The following AFF2 variants were observed in gnomAD, a reference collection of about 807,000 sequenced individuals.
The protein encoded by AFF2 is ALF transcription elongation factor 2, also known as AF4/FMR2 family member 2.
A neutral mutation model predicts 76.9 loss-of-function variants in AFF2; 14 were observed. That is an observed-to-expected ratio of 0.18 (90% CI 0.12 to 0.28). The LOEUF (loss-of-function observed/expected upper bound fraction) is 0.28, where lower values mean the gene tolerates loss of function less well. AFF2 is among the 10% of genes least tolerant of loss of function. AFF2 has a pLI of 1.00. For synonymous variants in AFF2, 398 were observed against 366.7 expected (o/e 1.09, Z -0.98); for missense variants, 868 against 1,001.1 (o/e 0.87, Z 1.79).
intron 1 of AFF2, among the ~76,000 whole-genome samples, chrX:148,644,658 A>G (rs1303332040): frequency 8.9e-6 from 1 of 112,591 alleles, no homozygotes; most frequent in African/African-American, 3.2e-5. Flanking sequence ...TCTACATAAT[A>G]GAATAAATAC....
At chrX:148,923,793 C>T (rs1194147225) in intron 9 of AFF2, among the ~76,000 whole-genome samples, 1 of 111,648 alleles carries the variant, frequency 9.0e-6, no homozygotes, top group Non-Finnish European at 1.9e-5. Flanking sequence ...ACCAAATATT[C>T]CCTCTTGCAG....
intron 9 of AFF2, among the ~76,000 whole-genome samples, chrX:148,916,195 A>ATTTTTT (rs1557282549): frequency 2.1e-5 from 1 of 48,230 alleles, no homozygotes; most frequent in African/African-American, 7.8e-5. Context: ...TGTGGTTTTA[A>ATTTTTT]CTTTTTTTTT....
rs782105094 is a variant in AFF2 at position 148,662,405 on chromosome X, A to G, written c.678A>G (p.Gly226=). Residue 226 remains glycine (G), a synonymous_variant, in exon 3 of 21, where the codon GGA becomes GGG. Coordinates refer to ENST00000370460, the MANE Select transcript of AFF2 (RefSeq NM_002025.4). The stretch of plus-strand genomic sequence containing the variant: ...AAGACAGTAACCCTAATTCTAGTGG[A>G]GAAGATGCTTTCAAAGAAATCTTTC... ...AKEDSNPNSS[G]EDAFKEIFQS... 3 of 1,210,516 alleles carry G rather than the reference A, an allele frequency of 2.5e-6. No homozygotes were observed. The South Asian group carries it at 5.3e-5, about 21-fold the overall frequency.
intron 7 of AFF2, among the ~76,000 whole-genome samples, chrX:148,876,205 G>A (rs1207212942): frequency 1.8e-5 from 2 of 111,842 alleles, no homozygotes; most frequent in Non-Finnish European, 3.8e-5. Flanking sequence ...CGTGCTAGGG[G>A]TTTGAAGTGA....
chrX:148,527,584 G>A (rs2052677915), intron 1 of AFF2, among the ~76,000 whole-genome samples: 1 of 110,987 alleles, frequency 9.0e-6, no homozygotes. Flanking sequence ...CTTTTTTTAG[G>A]CGATACACAA....
chrX:148,875,466 A>G (rs782007686), intron 7 of AFF2, among the ~76,000 whole-genome samples: 14 of 112,087 alleles, frequency 1.2e-4, no homozygotes, highest in Non-Finnish European at 2.3e-4. Context: ...TGGAGTAATT[A>G]TCAGAACAAA....
intron 1 of AFF2, among the ~76,000 whole-genome samples, chrX:148,588,134 G>A (rs1569551803): frequency 8.9e-6 from 1 of 112,852 alleles, no homozygotes; most frequent in Non-Finnish European, 1.9e-5. Flanking sequence ...TGCAGTACAT[G>A]TATTCACATG....
intron 3 of AFF2, among the ~76,000 whole-genome samples, chrX:148,740,394 C>G (rs1245586132): frequency 1.8e-5 from 2 of 111,235 alleles, no homozygotes; most frequent in African/African-American, 6.5e-5. Context: ...ATTTGAAGAC[C>G]TTGTCTTTGA....
intron 1 of AFF2, among the ~76,000 whole-genome samples, chrX:148,530,276 G>A (rs2052714679): frequency 1.8e-5 from 2 of 111,743 alleles, no homozygotes; most frequent in Non-Finnish European, 3.8e-5. Context: ...TTCCATTGAA[G>A]AGCAGATACT....
intron 1 of AFF2, among the ~76,000 whole-genome samples, chrX:148,573,276 T>C (rs1469609223): frequency 4.5e-5 from 5 of 111,234 alleles, no homozygotes; most frequent in Non-Finnish European, 7.5e-5. Flanking sequence ...ATGGACTCCA[T>C]GAAGCCTCTG....
rs1244148596 is a variant in AFF2, at chrX:148,994,042, T to C, written c.*2710T>C. On this transcript the variant is annotated 3_prime_UTR_variant, in exon 21 of 21. Transcript: ENST00000370460. ...CAGTTTGTGGGAGGGATATGAGACA[T>C]GTGGATGGCAGTGAGAGATCGTGCC... is the stretch of plus-strand genomic sequence containing the variant. 8.9e-6 allele frequency: 1 copy of C among 111,932 alleles called. No individual in the cohort carries two copies. Among genetic ancestry groups the C allele is most frequent in the Non-Finnish European group, 1.9e-5 (1 of 53,124 alleles). 9.2% of individuals were successfully genotyped at this position (111,932 alleles called of 1,213,427 possible).
At chrX:148,940,539 C>T (rs1603344130) in intron 9 of AFF2, among the ~76,000 whole-genome samples, 1 of 111,950 alleles carries the variant, frequency 8.9e-6, no homozygotes, top group East Asian at 2.8e-4. Flanking sequence ...ACCAAACATC[C>T]TGACCTTATT....
Position 148,831,371 on chromosome X carries a change from C to T in AFF2, c.1087-6276C>T, listed in dbSNP as rs148777225. Among the ~76,000 whole-genome samples the T allele has an allele frequency of 6.7e-3, 753 of 112,198 alleles. 7 individuals carry two copies. Among genetic ancestry groups the T allele is most frequent in the African/African-American group, 0.021 (659 of 30,885 alleles). ...ATGTCCATTAAATCTTCACAATTTA[C>T]GTTCAGAGACTGCAGTAAAGACAGG... On this transcript the variant is annotated intron_variant, in intron 4 of 20. Transcript: ENST00000370460.
rs369921512 is a variant in AFF2, at chrX:148,731,877, C to T, written c.1041+69109C>T. On this transcript the variant is annotated intron_variant, in intron 3 of 20. Coordinates refer to ENST00000370460, the MANE Select transcript of AFF2 (RefSeq NM_002025.4). ...TGCAAATCAAAACCACTATGAGATA[C>T]CATCTCACACCAGTTAGAATGGCAA... Among the ~76,000 whole-genome samples the T allele has an allele frequency of 4.0e-3, 286 of 72,167 alleles. 1 individual carries two copies. The highest frequency in any genetic ancestry group is 0.016 in the Middle Eastern group (3 of 187). The allele number at this position is 72,167 out of a possible 115,157, so 62.7% of individuals were successfully genotyped here. A position where few individuals can be genotyped will look rare whatever the true frequency, so the allele number is the denominator to read the frequency against.
intron 1 of AFF2, among the ~76,000 whole-genome samples, chrX:148,581,510 ATACGTC>A (rs1355300626): frequency 4.2e-5 from 4 of 96,105 alleles, no homozygotes; most frequent in Admixed American, 1.1e-4. Flanking sequence ...ATATATACGT[ATACGTC>A]TACGTGTACA....
At chrX:148,896,377 G>A (rs1476062490) in intron 8 of AFF2, among the ~76,000 whole-genome samples, 3 of 111,667 alleles carry the variant, frequency 2.7e-5, no homozygotes, top group Admixed American at 9.5e-5. Context: ...AAATCCTGAC[G>A]TAGTTTCACA....
intron 7 of AFF2, among the ~76,000 whole-genome samples, chrX:148,845,163 AG>A (rs1410853605): frequency 9.1e-6 from 1 of 110,027 alleles, no homozygotes. Flanking sequence ...ACATGCATTT[AG>A]GAAATCAACA....
intron 7 of AFF2, among the ~76,000 whole-genome samples, chrX:148,844,034 G>A (rs1421254848): frequency 8.9e-6 from 1 of 112,148 alleles, no homozygotes; most frequent in African/African-American, 3.2e-5. Context: ...TACAGACCAG[G>A]TCAATACCTG....
intron 4 of AFF2, among the ~76,000 whole-genome samples, chrX:148,810,359 A>C (rs868961340): frequency 2.7e-5 from 3 of 112,122 alleles, no homozygotes; most frequent in Middle Eastern, 4.2e-3. Flanking sequence ...AGAAGATGAG[A>C]GACTTGAAAA....
Sources: allele counts gnomAD v4.1 joint callset (sites outside exome capture counted in the v4.1 genomes callset), GRCh38; gene constraint gnomAD v4.1.1; transcripts MANE v1.5; gene names NCBI Gene and HGNC (gene_info 2026-07-23, HGNC 2026-07-21).